Variants in CMC1 observed in about 807,000 individuals in gnomAD.
The protein encoded by CMC1 is C-X9-C motif containing 1, also known as COX assembly mitochondrial protein homolog.
A neutral mutation model predicts 14.1 loss-of-function variants in CMC1; 14 were observed. That is an observed-to-expected ratio of 0.99 (90% CI 0.66 to 1.55). The LOEUF (loss-of-function observed/expected upper bound fraction) is 1.55, where lower values mean the gene tolerates loss of function less well. Among genes scored for constraint, CMC1 ranks in the 40% most tolerant of loss-of-function variants. The pLI is 0.00. For synonymous variants in CMC1, 50 were observed against 38.4 expected (o/e 1.30, Z -1.12); for missense variants, 127 against 123.8 (o/e 1.03, Z -0.12).
intron 2 of CMC1, among the ~76,000 whole-genome samples, chr3:28,280,992 G>C (rs1010310709): frequency 6.6e-6 from 1 of 152,132 alleles, no homozygotes; most frequent in Non-Finnish European, 1.5e-5. Flanking sequence ...AGTAGAGTTG[G>C]GTAGTTGCAA....
intron 2 of CMC1, among the ~76,000 whole-genome samples, chr3:28,307,744 T>C (rs1218476649): frequency 6.6e-6 from 1 of 152,258 alleles, no homozygotes; most frequent in East Asian, 1.9e-4. Flanking sequence ...TAGTTTTCTA[T>C]TGCTATTGTA....
At chr3:28,242,156 A>G (rs865876994) in intron 1 of CMC1, among the ~76,000 whole-genome samples, 1 of 152,164 alleles carries the variant, frequency 6.6e-6, no homozygotes, top group Non-Finnish European at 1.5e-5. Context: ...AAAAATTTGT[A>G]TATTTGTTCT....
chr3:28,284,416 A>AAAC (rs1701062485), intron 2 of CMC1, among the ~76,000 whole-genome samples: 20 of 152,354 alleles, frequency 1.3e-4, no homozygotes, highest in Admixed American at 1.2e-3. Context: ...AGGCTAAATC[A>AAAC]GTGATCCTCA....
chr3:28,308,821 A>G (rs1702468275), intron 2 of CMC1, among the ~76,000 whole-genome samples: 1 of 151,978 alleles, frequency 6.6e-6, no homozygotes, highest in Non-Finnish European at 1.5e-5. Flanking sequence ...CATCTCTACT[A>G]AAATACAAAA....
chr3:28,253,631 A>T, intron 1 of CMC1: 3 of 550,430 alleles, frequency 5.5e-6, no homozygotes, highest in African/African-American at 2.0e-5. Flanking sequence ...CCCCCCAAAA[A>T]GCTAAACAAA....
chr3:28,305,033 C>G (rs1254296287), intron 2 of CMC1, among the ~76,000 whole-genome samples: 1 of 152,080 alleles, frequency 6.6e-6, no homozygotes, highest in African/African-American at 2.4e-5. Context: ...AACCGTCACC[C>G]AAACAGTGAT....
intron 1 of CMC1, among the ~76,000 whole-genome samples, chr3:28,246,694 C>T (rs907648482): frequency 1.3e-5 from 2 of 151,744 alleles, no homozygotes; most frequent in Non-Finnish European, 2.9e-5. Flanking sequence ...GTTTTGTTGC[C>T]GTATTTTCTC....
intron 2 of CMC1, among the ~76,000 whole-genome samples, chr3:28,283,939 A>C (rs894455676): frequency 2.0e-5 from 3 of 152,336 alleles, no homozygotes; most frequent in Middle Eastern, 6.8e-3. Context: ...TACAGTGTAC[A>C]AATTTAAATT....
rs1046228636 is a variant in CMC1 at position 28,249,940 on chromosome 3, G to A, written c.19+8128G>A. ...CCTGTGTGTTTACATGGCAGTGAGC[G>A]GGGAGGGATGGGGGAAGAGGAGGTT... On this transcript the variant is annotated intron_variant, in intron 1 of 3. Transcript: ENST00000466830. 3.3e-5 allele frequency among the ~76,000 whole-genome samples: 5 copies of A among 152,132 alleles called. No individual in the cohort carries two copies. In the East Asian group the frequency reaches 5.8e-4, roughly 18 times the overall value.
In CMC1 at chr3:28,319,593, A is replaced by G; in HGVS notation, c.285A>G (p.Thr95=). 6.2e-7 allele frequency: 1 copy of G among 1,609,616 alleles called. No individual in the cohort carries two copies. Among genetic ancestry groups the G allele is most frequent in the Non-Finnish European group, 8.5e-7 (1 of 1,177,238 alleles). The change falls in exon 4 of 4, where the codon ACA becomes ACG. Residue 95 remains threonine, a synonymous_variant. Transcript: ENST00000466830. ...REEFRKTGIP[T]KKRLQKLPTS... ...AATTCAGAAAAACTGGAATTCCTAC[A>G]AAGAAAAGGCTACAGAAGCTTCCAA...
chr3:28,315,719 A>AT (rs1313734641), intron 2 of CMC1, among the ~76,000 whole-genome samples: 1 of 152,114 alleles, frequency 6.6e-6, no homozygotes, highest in Non-Finnish European at 1.5e-5. Context: ...ATAATGGTGT[A>AT]TTTTTACTGT....
chr3:28,319,593 A>T lies in CMC1; in HGVS notation c.285A>T (p.Thr95=). 1 of 1,609,616 alleles carries T rather than the reference A, an allele frequency of 6.2e-7. No homozygotes were observed. Among genetic ancestry groups the T allele is most frequent in the Non-Finnish European group, 8.5e-7 (1 of 1,177,238 alleles). ...REEFRKTGIP[T]KKRLQKLPTS... is the part of the protein sequence containing the mutation. ...AATTCAGAAAAACTGGAATTCCTAC[A>T]AAGAAAAGGCTACAGAAGCTTCCAA... The change falls in exon 4 of 4, where the codon ACA becomes ACT. Residue 95 remains threonine (T), a synonymous_variant. Transcript: ENST00000466830.
intron 1 of CMC1, among the ~76,000 whole-genome samples, chr3:28,262,634 T>C (rs1242466729): frequency 2.0e-5 from 3 of 152,182 alleles, no homozygotes; most frequent in African/African-American, 4.8e-5. Flanking sequence ...TAATCTGCCT[T>C]TTTTTCTTTC....
At chr3:28,253,731 A>T in intron 1 of CMC1, 2 of 1,284,854 alleles carry the variant, frequency 1.6e-6, no homozygotes, top group Non-Finnish European at 2.0e-6. Flanking sequence ...TTTCCTACAG[A>T]GTAAACAGTA....
chr3:28,245,627 T>C (rs1418510504), intron 1 of CMC1, among the ~76,000 whole-genome samples: 1 of 152,114 alleles, frequency 6.6e-6, no homozygotes, highest in African/African-American at 2.4e-5. Context: ...AGGAGGAAGA[T>C]GGGACAGAGA....
intron 1 of CMC1, among the ~76,000 whole-genome samples, chr3:28,252,395 G>T (rs746696399): frequency 6.6e-6 from 1 of 152,148 alleles, no homozygotes; most frequent in Non-Finnish European, 1.5e-5. Flanking sequence ...TTTTGTAAGC[G>T]TTTGAGCTTA....
Position 28,324,515 on chromosome 3 carries a change from T to C in CMC1, c.*4886T>C. 1 of 1,354,550 alleles carries C rather than the reference T, an allele frequency of 7.4e-7. No homozygotes were observed. The highest frequency in any genetic ancestry group is 9.7e-7 in the Non-Finnish European group (1 of 1,028,444). The allele number at this position is 1,354,550 out of a possible 1,614,324, so 83.9% of individuals were successfully genotyped here. A position where few individuals can be genotyped will look rare whatever the true frequency, so the allele number is the denominator to read the frequency against. On this transcript the variant is annotated 3_prime_UTR_variant, in exon 4 of 4. Transcript: ENST00000466830. ...TTACATTTGTGATCATAAAATTCGA[T>C]AACACTTCACCAATTTGAATTCTAG...
chr3:28,312,586 A>G (rs1429363921), intron 2 of CMC1, among the ~76,000 whole-genome samples: 1 of 152,214 alleles, frequency 6.6e-6, no homozygotes, highest in East Asian at 1.9e-4. Context: ...TTATTTAAGT[A>G]TTAAAGTATA....
chr3:28,247,881 T>C (rs938446043), intron 1 of CMC1, among the ~76,000 whole-genome samples: 2 of 152,156 alleles, frequency 1.3e-5, no homozygotes, highest in East Asian at 1.9e-4. Context: ...TAGGCCATCG[T>C]ACATGCTGTT....
Sources: gnomAD v4.1 joint callset for allele counts (sites outside exome capture counted in the v4.1 genomes callset) on GRCh38, gnomAD v4.1.1 for gene constraint, MANE v1.5 for transcripts, NCBI Gene and HGNC (gene_info 2026-07-23, HGNC 2026-07-21) for gene names.